Variants in HTT observed in about 807,000 individuals in gnomAD.
HTT encodes huntington disease protein.
HTT carries 104 observed loss-of-function variants against 362.3 expected under a neutral mutation model. The observed-to-expected ratio is 0.29, with a 90% CI of 0.24 to 0.34. The LOEUF is 0.34. HTT is among the 10% of genes least tolerant of loss of function. The pLI, the probability that HTT is intolerant of heterozygous loss-of-function variation, is 1.00. For missense variants in HTT, 3,301 were observed against 3,928.6 expected (o/e 0.84, Z 4.27); for synonymous variants, 1,577 against 1,548.7 (o/e 1.02, Z -0.43).
intron 54 of HTT, among the ~76,000 whole-genome samples, chr4:3,222,691 T>C (rs1720737397): frequency 6.6e-6 from 1 of 152,264 alleles, no homozygotes; most frequent in African/African-American, 2.4e-5. Flanking sequence ...TACCAATGGC[T>C]GGAATGCATT....
At chr4:3,094,549 C>A (rs1278892669) in intron 2 of HTT, among the ~76,000 whole-genome samples, 4 of 146,658 alleles carry the variant, frequency 2.7e-5, no homozygotes, top group African/African-American at 5.0e-5. Context: ...GGGGCTGCCC[C>A]CCACCTCCCG....
chr4:3,088,739 GT>G (rs779372545), intron 2 of HTT, among the ~76,000 whole-genome samples: 13 of 145,428 alleles, frequency 8.9e-5, no homozygotes, highest in African/African-American at 1.5e-4. Flanking sequence ...CAGGATTTGT[GT>G]TTTTTTTTTG....
Position 3,147,002 on chromosome 4 carries a change from A to C in HTT, c.3295+54A>C, listed in dbSNP as rs576499576. 56 of 1,564,262 alleles carry C rather than the reference A, an allele frequency of 3.6e-5. 1 individual carries two copies. The South Asian group carries it at 4.7e-4, about 13-fold the overall frequency. On this transcript the variant is annotated intron_variant, in intron 25 of 66. Coordinates refer to ENST00000355072, the MANE Select transcript of HTT (RefSeq NM_001388492.1). ...CCAGGACTTGGATTTTGATTTCCTT[A>C]GGGGGAATGGGGGTGGTGAGCATAT...
rs1470377281 is a variant in HTT at position 3,132,543 on chromosome 4, G to A, written c.2237-19G>A. The A allele has an allele frequency of 6.2e-7, 1 of 1,607,588 alleles. No homozygotes were observed. Among genetic ancestry groups the A allele is most frequent in the Non-Finnish European group, 8.5e-7 (1 of 1,174,642 alleles). On this transcript the variant is annotated intron_variant, in intron 16 of 66. Transcript: ENST00000355072. ...GATAGTAGGGAATTGTTCCATGGCT[G>A]AGCAATTTATCTCCACAGAGGAACA... is the stretch of plus-strand genomic sequence containing the variant.
chr4:3,116,924 T>A (rs1715061382), intron 8 of HTT, among the ~76,000 whole-genome samples: 1 of 152,200 alleles, frequency 6.6e-6, no homozygotes, highest in South Asian at 2.1e-4. Context: ...ATGTCAGGGT[T>A]TTTATTGTGC....
chr4:3,239,728 C>G, intron 66 of HTT, 118 bp from the exon 67 acceptor site: 1 of 787,798 alleles, frequency 1.3e-6, no homozygotes, highest in South Asian at 1.7e-5. Context: ...GGGCTCTGCT[C>G]GCTCTCCAGG....
rs572064485 is a variant in HTT at position 3,165,323 on chromosome 4, C to T, written c.3864+4931C>T. Among the ~76,000 whole-genome samples the T allele has an allele frequency of 5.3e-5, 8 of 152,202 alleles. No homozygotes were observed. In the South Asian group the frequency reaches 1.7e-3, roughly 32 times the overall value. ...CTGATGGGCTTCCCTTTGTGGGTAA[C>T]CCGACCTTTCTCTCTGGCTGCCCTT... is the stretch of plus-strand genomic sequence containing the variant. On this transcript the variant is annotated intron_variant, in intron 29 of 66. Coordinates refer to ENST00000355072, the MANE Select transcript of HTT (RefSeq NM_001388492.1).
intron 52 of HTT, among the ~76,000 whole-genome samples, chr4:3,219,551 A>G (rs1404189683): frequency 2.0e-5 from 3 of 152,128 alleles, no homozygotes; most frequent in Admixed American, 6.5e-5. Flanking sequence ...TTAGCTGGTC[A>G]TTATCATAGA....
intron 51 of HTT, 113 bp downstream of exon 51, chr4:3,215,324 C>T (rs945607145): frequency 2.7e-5 from 19 of 703,180 alleles, no homozygotes; most frequent in East Asian, 1.3e-4. Context: ...ACCGTAGCTC[C>T]GCTGTGTCCT....
At position 3,188,932 on chromosome 4, in the gene HTT, C is replaced by G. The variant is rs757966778; in HGVS notation, c.5226-19C>G. The G allele has an allele frequency of 9.8e-5, 158 of 1,612,480 alleles. No individual in the cohort carries two copies. Among genetic ancestry groups the G allele is most frequent in the Non-Finnish European group, 1.2e-4 (144 of 1,178,962 alleles). Reference sequence around the variant, plus strand: ...TAGTAGTCACCTAATTCACTGTCATCTTTTTTGTTTCTTGGAAGGTTTCTA... The same window carrying G: ...TAGTAGTCACCTAATTCACTGTCATGTTTTTTGTTTCTTGGAAGGTTTCTA... On this transcript the variant is annotated intron_variant, in intron 39 of 66. Transcript: ENST00000355072.
rs1717078678 is a variant in HTT at position 3,155,153 on chromosome 4, A to G, written c.3625+734A>G. On this transcript the variant is annotated intron_variant, in intron 27 of 66. Coordinates refer to ENST00000355072, the MANE Select transcript of HTT (RefSeq NM_001388492.1). ...CGCTGTCTCTTGGCACCCAGGGGCC[A>G]GTGATGGTTCTCCCATTTGTTTTGT... 2.6e-5 allele frequency among the ~76,000 whole-genome samples: 4 copies of G among 152,212 alleles called. No individual in the cohort carries two copies. In the South Asian group the frequency reaches 8.3e-4, roughly 32 times the overall value.
rs756857552 is a variant in HTT at position 3,116,081 on chromosome 4, A to G, written c.890-4A>G. 4 of 1,601,106 alleles carry G rather than the reference A, an allele frequency of 2.5e-6. No homozygotes were observed. The Admixed American group carries it at 6.7e-5, about 27-fold the overall frequency. ...GTTAAGATGTCTTGCTTCCACCCCCACAGGCTTACTCGTTCCTGTCGAGGA... is the reference window on the plus strand; with the variant it reads ...GTTAAGATGTCTTGCTTCCACCCCCGCAGGCTTACTCGTTCCTGTCGAGGA... On this transcript the variant is annotated splice_polypyrimidine_tract_variant and splice_region_variant and intron_variant, in intron 7 of 66. Coordinates refer to ENST00000355072, the MANE Select transcript of HTT (RefSeq NM_001388492.1).
intron 3 of HTT, among the ~76,000 whole-genome samples, chr4:3,100,883 A>C (rs1172072437): frequency 1.3e-5 from 2 of 152,182 alleles, no homozygotes; most frequent in East Asian, 3.9e-4. Context: ...GTGCACCACC[A>C]TGCCCAGCTA....
intron 5 of HTT, among the ~76,000 whole-genome samples, chr4:3,106,230 C>T (rs1714416038): frequency 2.0e-5 from 3 of 152,104 alleles, no homozygotes; most frequent in Admixed American, 6.5e-5. Context: ...GTGGTGCGTG[C>T]CTGTGGTCAC....
chr4:3,136,415 G>T, intron 21 of HTT, 89 bp downstream of exon 21: 1 of 619,692 alleles, frequency 1.6e-6, no homozygotes, highest in Non-Finnish European at 2.9e-6. Flanking sequence ...TTCAAAGGAT[G>T]TAGAGCAGTA....
intron 2 of HTT, among the ~76,000 whole-genome samples, chr4:3,088,643 A>G (rs775668837): frequency 3.3e-5 from 5 of 151,976 alleles, no homozygotes; most frequent in African/African-American, 7.3e-5. Flanking sequence ...TAAACTCCCT[A>G]TCATCCATTC....
intron 3 of HTT, among the ~76,000 whole-genome samples, chr4:3,101,978 T>C (rs1053296526): frequency 6.6e-6 from 1 of 152,224 alleles, no homozygotes; most frequent in Non-Finnish European, 1.5e-5. Context: ...GAACCCATCT[T>C]ATGCTGCCAG....
chr4:3,174,871 T>C, intron 32 of HTT, 72 bp downstream of exon 32: 3 of 1,561,486 alleles, frequency 1.9e-6, no homozygotes, highest in African/African-American at 1.4e-5. Context: ...GCTGAGACTT[T>C]CCAGGTATTT....
At chr4:3,233,885 C>G (rs1721388132) in intron 61 of HTT, among the ~76,000 whole-genome samples, 1 of 152,214 alleles carries the variant, frequency 6.6e-6, no homozygotes, top group Non-Finnish European at 1.5e-5. Context: ...GCGCAGAGGG[C>G]TCTGTGACAC....
Sources: gnomAD v4.1 joint callset for allele counts (sites outside exome capture counted in the v4.1 genomes callset) on GRCh38, gnomAD v4.1.1 for gene constraint, MANE v1.5 for transcripts, NCBI Gene and HGNC (gene_info 2026-07-23, HGNC 2026-07-21) for gene names.